The following HIF1AN variants were observed in gnomAD, a reference collection of about 807,000 sequenced individuals.
HIF1AN encodes hypoxia-inducible factor 1-alpha inhibitor.
A neutral mutation model predicts 47.7 loss-of-function variants in HIF1AN; 21 were observed. The ratio of observed to expected loss-of-function variants is 0.44; its 90% CI spans 0.31 to 0.63. The LOEUF is 0.63. Among genes scored for constraint, HIF1AN ranks in the 30% least tolerant of loss-of-function variants. The pLI is 0.07. For synonymous variants in HIF1AN, 152 were observed against 155.9 expected (o/e 0.98, Z 0.18); for missense variants, 320 against 432.7 (o/e 0.74, Z 2.31).
intron 7 of HIF1AN, 62 bp downstream of exon 7, chr10:100,547,312 C>T (rs1265145782): frequency 4.1e-6 from 4 of 970,256 alleles, no homozygotes; most frequent in Admixed American, 1.8e-5. Context: ...AGGATCAGAG[C>T]GACATTCTTT....
At position 100,559,710 on chromosome 10, in the gene HIF1AN, C is replaced by T. The variant is rs938489130; in HGVS notation, c.*11573C>T. ...GGATTACAGGCATAAGCCACTGTGC[C>T]TGGCCTTGAATATATTTTTTAACCA... On this transcript the variant is annotated 3_prime_UTR_variant, in exon 8 of 8. Coordinates refer to ENST00000299163, the MANE Select transcript of HIF1AN (RefSeq NM_017902.3). The T allele has an allele frequency of 6.6e-6, 1 of 152,238 alleles. No homozygotes were observed. Among genetic ancestry groups the T allele is most frequent in the African/African-American group, 2.4e-5 (1 of 41,464 alleles). 9.4% of individuals were successfully genotyped at this position (152,238 alleles called of 1,614,324 possible).
chr10:100,543,415 G>A (rs1843064947), intron 3 of HIF1AN, among the ~76,000 whole-genome samples: 1 of 151,962 alleles, frequency 6.6e-6, no homozygotes, highest in African/African-American at 2.4e-5. Flanking sequence ...GACTGGTCTC[G>A]AACTCCTGGC....
In HIF1AN at chr10:100,540,667, G is replaced by A. The variant is rs1414514495; in HGVS notation, c.462G>A (p.Val154=). 7 of 1,613,728 alleles carry A rather than the reference G, an allele frequency of 4.3e-6. No homozygotes were observed. Among genetic ancestry groups the A allele is most frequent in the Non-Finnish European group, 5.9e-6 (7 of 1,179,902 alleles). The change falls in exon 3 of 8, where the codon GTG becomes GTA. Residue 154 remains valine, a synonymous_variant. Coordinates refer to ENST00000299163, the MANE Select transcript of HIF1AN (RefSeq NM_017902.3). ...LYLQQTLNDT[V]GRKIVMDFLG... is the part of the protein sequence containing the mutation. ...TGCAGCAAACGCTCAATGACACTGT[G>A]GGCAGGAAGATTGTCATGGACTTCT...
In HIF1AN at chr10:100,546,546, G is replaced by A; in HGVS notation, c.859G>A (p.Gly287Arg). 6.2e-7 allele frequency: 1 copy of A among 1,608,290 alleles called. No individual in the cohort carries two copies. The highest frequency in any genetic ancestry group is 2.2e-5 in the East Asian group (1 of 44,558). Reference protein sequence around the residue: ...WWHHIESLLNGGITITVNFWY... With the variant: ...WWHHIESLLNRGITITVNFWY... ...GCATCACATAGAGTCATTACTAAAT[G>A]GGGGGATTACCATCACTGTGAACTT... The change falls in exon 6 of 8, where the codon GGG becomes AGG. Residue 287 changes from glycine to arginine, a missense_variant. Coordinates refer to ENST00000299163, the MANE Select transcript of HIF1AN (RefSeq NM_017902.3).
In HIF1AN at chr10:100,550,606, A is replaced by C. The variant is rs959119209; in HGVS notation, c.*2469A>C. 6.6e-6 allele frequency: 1 copy of C among 152,252 alleles called. No homozygotes were observed. The highest frequency in any genetic ancestry group is 1.5e-5 in the Non-Finnish European group (1 of 68,052). The allele number at this position is 152,252 out of a possible 1,614,324, so 9.4% of individuals were successfully genotyped here. A position where few individuals can be genotyped will look rare whatever the true frequency, so the allele number is the denominator to read the frequency against. On this transcript the variant is annotated 3_prime_UTR_variant, in exon 8 of 8. Transcript: ENST00000299163. Reference sequence around the variant, plus strand: ...GCAGACCCAGCCCAAGATGGTGCAGAATATACAGCTCAGGGTGAAAGTTCT... The same window carrying C: ...GCAGACCCAGCCCAAGATGGTGCAGCATATACAGCTCAGGGTGAAAGTTCT...
At position 100,552,391 on chromosome 10, in the gene HIF1AN, AC is replaced by A. The variant is rs1223532455; in HGVS notation, c.*4257del. 1 of 152,114 alleles carries A rather than the reference AC, an allele frequency of 6.6e-6. No individual in the cohort carries two copies. The highest frequency in any genetic ancestry group is 6.5e-5 in the Admixed American group (1 of 15,268). 9.4% of individuals were successfully genotyped at this position (152,114 alleles called of 1,614,324 possible). A position where few individuals can be genotyped will look rare whatever the true frequency, so the allele number is the denominator to read the frequency against. On this transcript the variant is annotated 3_prime_UTR_variant, in exon 8 of 8. Transcript: ENST00000299163. ...AATTTAGCAGGGGCTGCAGGGAATGACCCTCAGGGACCAGTTTCACCCAGAT... is the reference window on the plus strand; with the variant it reads ...AATTTAGCAGGGGCTGCAGGGAATGACCTCAGGGACCAGTTTCACCCAGAT...
At chr10:100,538,291 C>A (rs1410944661) in intron 2 of HIF1AN, among the ~76,000 whole-genome samples, 3 of 152,138 alleles carry the variant, frequency 2.0e-5, no homozygotes, top group Non-Finnish European at 4.4e-5. Flanking sequence ...TTCACTTCAA[C>A]CTGATTGGAC....
chr10:100,558,759 C>T lies in HIF1AN; in HGVS notation c.*10622C>T, dbSNP rs1296851956. On this transcript the variant is annotated 3_prime_UTR_variant, in exon 8 of 8. Coordinates refer to ENST00000299163, the MANE Select transcript of HIF1AN (RefSeq NM_017902.3). ...CCAACCAACATATCTGGTTGTTCTGCAATCTCAGTCATCTGAGAAGATAAC... is the reference window on the plus strand; with the variant it reads ...CCAACCAACATATCTGGTTGTTCTGTAATCTCAGTCATCTGAGAAGATAAC... The T allele has an allele frequency of 6.6e-6, 1 of 152,224 alleles. No homozygotes were observed. Among genetic ancestry groups the T allele is most frequent in the Non-Finnish European group, 1.5e-5 (1 of 68,036 alleles). 9.4% of individuals were successfully genotyped at this position (152,224 alleles called of 1,614,324 possible). A position where few individuals can be genotyped will look rare whatever the true frequency, so the allele number is the denominator to read the frequency against.
At chr10:100,547,057 A>G in intron 6 of HIF1AN, 83 bp from the exon 7 acceptor site, 1 of 1,003,218 alleles carries the variant, frequency 1.0e-6, no homozygotes, top group African/African-American at 1.6e-5. Context: ...GGTTTCTTAG[A>G]AGGGAGGATG....
intron 3 of HIF1AN, among the ~76,000 whole-genome samples, chr10:100,541,176 G>A (rs1165978189): frequency 6.6e-6 from 1 of 152,010 alleles, no homozygotes; most frequent in Non-Finnish European, 1.5e-5. Context: ...CCAAGATCAC[G>A]CCACTGCACT....
chr10:100,536,220 C>G, intron 1 of HIF1AN, 85 bp downstream of exon 1: 2 of 1,383,802 alleles, frequency 1.4e-6, no homozygotes, highest in African/African-American at 1.4e-5. Context: ...AGATGGGAGA[C>G]TGGCAGGGCT....
chr10:100,537,841 A>G (rs532559676), intron 2 of HIF1AN, among the ~76,000 whole-genome samples: 43 of 152,154 alleles, frequency 2.8e-4, no homozygotes, highest in Admixed American at 9.2e-4. Context: ...TCTTCTTAAC[A>G]CTTAGCAGTT....
Position 100,554,575 on chromosome 10 carries a change from G to A in HIF1AN, c.*6438G>A, listed in dbSNP as rs1333093360. On this transcript the variant is annotated 3_prime_UTR_variant, in exon 8 of 8. Coordinates refer to ENST00000299163, the MANE Select transcript of HIF1AN (RefSeq NM_017902.3). Reference sequence around the variant, plus strand: ...AATCCCAGCACTTTGGGAGGCTGAGGTGGGTGGATCACCTGAGGTCAGGAG... The same window carrying A: ...AATCCCAGCACTTTGGGAGGCTGAGATGGGTGGATCACCTGAGGTCAGGAG... The A allele has an allele frequency of 1.3e-5, 2 of 152,090 alleles. No homozygotes were observed. The highest frequency in any genetic ancestry group is 6.5e-5 in the Admixed American group (1 of 15,268). 9.4% of individuals were successfully genotyped at this position (152,090 alleles called of 1,614,324 possible). A position where few individuals can be genotyped will look rare whatever the true frequency, so the allele number is the denominator to read the frequency against.
chr10:100,542,985 C>G (rs1193727279), intron 3 of HIF1AN, among the ~76,000 whole-genome samples: 2 of 151,554 alleles, frequency 1.3e-5, no homozygotes, highest in East Asian at 3.9e-4. Flanking sequence ...AATGCCAGGC[C>G]CATGGTAGGT....
intron 2 of HIF1AN, among the ~76,000 whole-genome samples, 181 bp from the exon 3 acceptor site, chr10:100,540,453 A>G (rs999839934): frequency 3.9e-5 from 6 of 152,180 alleles, no homozygotes; most frequent in African/African-American, 7.2e-5. Flanking sequence ...ACATAACTCA[A>G]TGAAGGATAA....
At chr10:100,544,133 A>G (rs559378227) in intron 3 of HIF1AN, among the ~76,000 whole-genome samples, 1 of 152,258 alleles carries the variant, frequency 6.6e-6, no homozygotes, top group Non-Finnish European at 1.5e-5. Context: ...AGAAAGGAGT[A>G]GATGGAACAT....
Position 100,536,720 on chromosome 10 carries a change from A to T in HIF1AN, c.428+59A>T, listed in dbSNP as rs1296526641. The T allele has an allele frequency of 2.2e-5, 35 of 1,588,922 alleles. No individual in the cohort carries two copies. The East Asian group carries it at 7.8e-4, about 36-fold the overall frequency. ...TAGGACACTCATTTTTCTTTCCTAT[A>T]CTTGTTTGAAGGTGTGGCAGAATTG... On this transcript the variant is annotated intron_variant, in intron 2 of 7. Transcript: ENST00000299163.
intron 5 of HIF1AN, 122 bp downstream of exon 5, chr10:100,546,171 G>A (rs1843092007): frequency 2.7e-6 from 2 of 727,916 alleles, no homozygotes; most frequent in African/African-American, 1.8e-5. Context: ...TAGGAAGGTT[G>A]GCATATCCAG....
chr10:100,543,329 A>G (rs1178394184), intron 3 of HIF1AN, among the ~76,000 whole-genome samples: 2 of 152,146 alleles, frequency 1.3e-5, no homozygotes, highest in Non-Finnish European at 2.9e-5. Flanking sequence ...AGCTAGGACT[A>G]CAGGCGTAAG....
Sources: allele counts gnomAD v4.1 joint callset (sites outside exome capture counted in the v4.1 genomes callset), GRCh38; gene constraint gnomAD v4.1.1; transcripts MANE v1.5; gene names NCBI Gene and HGNC (gene_info 2026-07-23, HGNC 2026-07-21).